Variants in CSMD2 observed in about 807,000 individuals in gnomAD.
CSMD2 encodes the protein CUB and sushi domain-containing protein 2.
In CSMD2, 130 loss-of-function variants were observed where a neutral mutation model predicts 398.5. That is an observed-to-expected ratio of 0.33 (90% confidence interval 0.28 to 0.38). The LOEUF is 0.38. CSMD2 is among the 10% of genes least tolerant of loss of function. CSMD2 has a pLI of 1.00. For missense variants in CSMD2, 3,829 were observed against 4,764.9 expected, an observed-to-expected ratio of 0.80 and a Z score of 5.78; for synonymous variants, 1,828 against 1,908.5, an observed-to-expected ratio of 0.96 and a Z score of 1.10.
intron 5 of CSMD2, among the ~76,000 whole-genome samples, chr1:33,882,702 T>G (rs367739760): frequency 6.6e-6 from 1 of 152,330 alleles, no homozygotes; most frequent in East Asian, 1.9e-4. Flanking sequence ...GCATGCTTTC[T>G]CAGTTGTTTC....
chr1:33,749,590 A>G (rs559926196), intron 13 of CSMD2, among the ~76,000 whole-genome samples: 5 of 152,328 alleles, frequency 3.3e-5, no homozygotes, highest in Admixed American at 1.3e-4. Context: ...AAAGACAAAA[A>G]CAGAAAAAAA....
At position 34,049,246 on chromosome 1, in the gene CSMD2, G is replaced by A. The variant is rs559425147; in HGVS notation, c.405-16540C>T. Among the ~76,000 whole-genome samples, 5 of 152,274 alleles carry A rather than the reference G, an allele frequency of 3.3e-5. No individual in the cohort carries two copies. In the South Asian group the frequency reaches 1.0e-3, roughly 32 times the overall value. On this transcript the variant is annotated intron_variant, in intron 2 of 70. Coordinates refer to ENST00000373381, the MANE Select transcript of CSMD2 (RefSeq NM_001281956.2). ...CCTCATCTGTAGACAAGAGAGGGAG[G>A]AGCCACAGAGGCAGTAAGAGAGTTT...
chr1:33,765,070 G>A (rs1215701027), intron 13 of CSMD2, among the ~76,000 whole-genome samples: 1 of 152,174 alleles, frequency 6.6e-6, no homozygotes, highest in African/African-American at 2.4e-5. Context: ...TTAGAAAGAC[G>A]GAAGTAGGCG....
At chr1:33,740,644 G>C (rs1022507298) in intron 14 of CSMD2, among the ~76,000 whole-genome samples, 2 of 152,136 alleles carry the variant, frequency 1.3e-5, no homozygotes, top group African/African-American at 4.8e-5. Flanking sequence ...GCCCAGACTT[G>C]AGTCTCCCAA....
At chr1:33,671,831 A>G (rs1338089853) in intron 25 of CSMD2, among the ~76,000 whole-genome samples, 2 of 152,198 alleles carry the variant, frequency 1.3e-5, no homozygotes, top group Non-Finnish European at 2.9e-5. Context: ...CACAGGCAAA[A>G]CTTGCTTCTG....
At chr1:33,959,917 C>T (rs75224798) in intron 3 of CSMD2, among the ~76,000 whole-genome samples, 7,781 of 152,250 alleles carry the variant, frequency 0.051, 200 homozygotes, top group Non-Finnish European at 0.056. Flanking sequence ...ACAAGGGCAG[C>T]GGCTTTGTTG....
At chr1:33,563,600 C>G (rs745413319) in intron 53 of CSMD2, among the ~76,000 whole-genome samples, 4 of 152,126 alleles carry the variant, frequency 2.6e-5, no homozygotes, top group Non-Finnish European at 2.9e-5. Flanking sequence ...CCACTATACC[C>G]ACAGAAAACA....
At chr1:33,978,223 GC>G (rs1445180713) in intron 3 of CSMD2, among the ~76,000 whole-genome samples, 1 of 152,152 alleles carries the variant, frequency 6.6e-6, no homozygotes, top group Non-Finnish European at 1.5e-5. Flanking sequence ...TGTACTCTTG[GC>G]CCCACCACAT....
intron 1 of CSMD2, among the ~76,000 whole-genome samples, chr1:34,096,520 T>G (rs1659327746): frequency 6.8e-6 from 1 of 146,074 alleles, no homozygotes; most frequent in Non-Finnish European, 1.5e-5. Flanking sequence ...CCCCATTGTC[T>G]CAGCCCAAAA....
intron 3 of CSMD2, among the ~76,000 whole-genome samples, chr1:33,994,179 G>A (rs1352314541): frequency 5.3e-5 from 8 of 152,152 alleles, no homozygotes; most frequent in Non-Finnish European, 1.5e-5. Flanking sequence ...GATCTGAAAA[G>A]GGTGGTTAAA....
intron 29 of CSMD2, among the ~76,000 whole-genome samples, chr1:33,642,991 T>TG (rs1227370018): frequency 1.3e-5 from 2 of 152,174 alleles, no homozygotes; most frequent in Non-Finnish European, 2.9e-5. Context: ...AACATCTCTC[T>TG]ATGTGGGGCG....
At chr1:34,086,708 A>G (rs1040735333) in intron 2 of CSMD2, among the ~76,000 whole-genome samples, 2 of 152,242 alleles carry the variant, frequency 1.3e-5, no homozygotes, top group South Asian at 4.1e-4. Context: ...TCTGCCCTGA[A>G]CAGCAGCCTC....
At chr1:33,940,770 ACTG>A (rs1644643206) in intron 3 of CSMD2, among the ~76,000 whole-genome samples, 1 of 152,216 alleles carries the variant, frequency 6.6e-6, no homozygotes, top group African/African-American at 2.4e-5. Context: ...CATTCTAGGC[ACTG>A]CAATAAGATG....
In CSMD2 at chr1:33,519,022, C is replaced by T. The variant is rs1277717373; in HGVS notation, c.*53+443G>A. ...ATCTCTGTATAGCTCTACAGATCTCCAGGGCTTGACTTCGACCCAGAGGAT... is the reference window on the plus strand; with the variant it reads ...ATCTCTGTATAGCTCTACAGATCTCTAGGGCTTGACTTCGACCCAGAGGAT... On this transcript the variant is annotated intron_variant, in intron 70 of 70. Coordinates refer to ENST00000373381, the MANE Select transcript of CSMD2 (RefSeq NM_001281956.2). This position sits in a 1 kb window ranked among gnomAD's most constrained non-coding sequence, Gnocchi z 5.6. Among the ~76,000 whole-genome samples, 1 of 152,066 alleles carries T rather than the reference C, an allele frequency of 6.6e-6. No homozygotes were observed. The highest frequency in any genetic ancestry group is 1.9e-4 in the East Asian group (1 of 5,196).
chr1:33,660,697 T>C (rs1346949965), intron 26 of CSMD2, among the ~76,000 whole-genome samples: 2 of 152,238 alleles, frequency 1.3e-5, no homozygotes. Context: ...CATGCTACTC[T>C]GCCTAAGCAA....
chr1:33,688,500 T>A (rs146256374), intron 25 of CSMD2, among the ~76,000 whole-genome samples: 135 of 152,352 alleles, frequency 8.9e-4, no homozygotes, highest in African/African-American at 3.1e-3. Context: ...ATTTCGAGTT[T>A]ATAAATTTGT....
chr1:34,030,046 T>C (rs1034107138), intron 3 of CSMD2, among the ~76,000 whole-genome samples: 2 of 152,238 alleles, frequency 1.3e-5, no homozygotes, highest in African/African-American at 4.8e-5. Flanking sequence ...GTGAATCCGA[T>C]GAAAGCTCCA....
intron 24 of CSMD2, among the ~76,000 whole-genome samples, chr1:33,695,315 T>C (rs1211173119): frequency 6.6e-6 from 1 of 152,142 alleles, no homozygotes. Flanking sequence ...CAGGAAAGAA[T>C]TGCAGTGATT....
intron 5 of CSMD2, among the ~76,000 whole-genome samples, chr1:33,886,142 A>C (rs1279256540): frequency 6.6e-6 from 1 of 152,238 alleles, no homozygotes; most frequent in African/African-American, 2.4e-5. Flanking sequence ...TAGGAGAGAC[A>C]GATAGCTAGA....
Sources: allele counts gnomAD v4.1 joint callset (sites outside exome capture counted in the v4.1 genomes callset), GRCh38; gene constraint gnomAD v4.1.1; non-coding constraint Gnocchi (gnomAD v3.1); transcripts MANE v1.5; gene names NCBI Gene and HGNC (gene_info 2026-07-23, HGNC 2026-07-21).